NKAIN3: variants seen among roughly 807,000 people sequenced by gnomAD.
The protein encoded by NKAIN3 is sodium/potassium transporting ATPase interacting 3, also known as sodium/potassium-transporting ATPase subunit beta-1-interacting protein 3.
Under a neutral mutation model 30.2 loss-of-function variants are expected in NKAIN3, and 25 were observed. The ratio of observed to expected loss-of-function variants is 0.83; its 90% CI spans 0.60 to 1.16. The LOEUF is 1.16. Ranked by LOEUF, NKAIN3 falls within the 50% of genes most tolerant of loss-of-function variation. The pLI is 0.00. For synonymous variants in NKAIN3, 91 were observed against 89.6 expected, an observed-to-expected ratio of 1.02 and a Z score of -0.09; for missense variants, 225 against 254.1, an observed-to-expected ratio of 0.89 and a Z score of 0.78.
chr8:62,793,291 T>G (rs779946276), intron 4 of NKAIN3, among the ~76,000 whole-genome samples: 2 of 152,076 alleles, frequency 1.3e-5, no homozygotes, highest in African/African-American at 4.8e-5. Flanking sequence ...GCTTGCTGGT[T>G]TTTTTGTAAA....
intron 1 of NKAIN3, among the ~76,000 whole-genome samples, chr8:62,417,281 T>A (rs1218267935): frequency 6.6e-6 from 1 of 152,184 alleles, no homozygotes; most frequent in African/African-American, 2.4e-5. Context: ...TTTCCATCCA[T>A]GTTGTTGCAG....
intron 3 of NKAIN3, among the ~76,000 whole-genome samples, chr8:62,740,458 A>G (rs1032574252): frequency 2.6e-5 from 4 of 152,156 alleles, no homozygotes; most frequent in Admixed American, 6.5e-5. Context: ...AACTAAGGAG[A>G]AAGGCAAAAA....
At chr8:62,806,404 C>T (rs951388513) in intron 4 of NKAIN3, among the ~76,000 whole-genome samples, 16 of 152,122 alleles carry the variant, frequency 1.1e-4, no homozygotes, top group Non-Finnish European at 1.8e-4. Context: ...TGAACCAACC[C>T]AAATGTGCAA....
chr8:62,950,089 G>A (rs1041793232), intron 5 of NKAIN3, among the ~76,000 whole-genome samples: 1 of 152,084 alleles, frequency 6.6e-6, no homozygotes, highest in Admixed American at 6.6e-5. Context: ...TTTCTTATCA[G>A]TGTAATATGA....
At chr8:62,459,057 G>GAGA (rs1554533944) in intron 1 of NKAIN3, among the ~76,000 whole-genome samples, 9 of 23,948 alleles carry the variant, frequency 3.8e-4, no homozygotes, top group Non-Finnish European at 1.0e-3. Context: ...TGTGTTGTCA[G>GAGA]AGAAAAAAAA....
At chr8:62,271,273 C>G (rs1472067456) in intron 1 of NKAIN3, among the ~76,000 whole-genome samples, 1 of 152,082 alleles carries the variant, frequency 6.6e-6, no homozygotes, top group African/African-American at 2.4e-5. Flanking sequence ...TTTTTTATTC[C>G]AATAAATTCT....
intron 1 of NKAIN3, among the ~76,000 whole-genome samples, chr8:62,436,999 A>G (rs563497120): frequency 1.2e-4 from 19 of 152,346 alleles, no homozygotes; most frequent in African/African-American, 3.1e-4. Flanking sequence ...AAGATTGTTT[A>G]GATTCTTCAG....
chr8:62,632,375 C>A (rs893276257), intron 3 of NKAIN3, among the ~76,000 whole-genome samples: 1 of 152,052 alleles, frequency 6.6e-6, no homozygotes, highest in Admixed American at 6.6e-5. Context: ...ATCAAGATAC[C>A]TTTTACATAT....
chr8:62,963,082 G>A lies in NKAIN3; in HGVS notation c.604-2272G>A, dbSNP rs543776339. Among the ~76,000 whole-genome samples the A allele has an allele frequency of 8.2e-4, 125 of 152,102 alleles. 1 individual carries two copies. Among genetic ancestry groups the A allele is most frequent in the African/African-American group, 3.0e-3 (123 of 41,490 alleles). ...AATTTTTGGTATTTTTAGTAGAGAC[G>A]GGGTTTCACCATTTTGGTCAGGCTG... On this transcript the variant is annotated intron_variant, in intron 6 of 6. Coordinates refer to ENST00000623646, the MANE Select transcript of NKAIN3 (RefSeq NM_001304533.3).
At chr8:62,323,390 A>G (rs1042849708) in intron 1 of NKAIN3, among the ~76,000 whole-genome samples, 1 of 152,218 alleles carries the variant, frequency 6.6e-6, no homozygotes, top group Non-Finnish European at 1.5e-5. Flanking sequence ...AAAAATATTG[A>G]GGCACGGGAA....
chr8:62,911,884 T>TA (rs1821934496), intron 4 of NKAIN3, among the ~76,000 whole-genome samples: 1 of 152,180 alleles, frequency 6.6e-6, no homozygotes, highest in African/African-American at 2.4e-5. Context: ...ATTTTTTATC[T>TA]AAAAACCTAA....
chr8:62,436,418 T>G (rs1016347837), intron 1 of NKAIN3, among the ~76,000 whole-genome samples: 4 of 152,194 alleles, frequency 2.6e-5, no homozygotes, highest in Non-Finnish European at 1.5e-5. Context: ...CTTTTATTTA[T>G]TTAATAGTGC....
chr8:62,259,063 GC>G (rs1812350112), intron 1 of NKAIN3, among the ~76,000 whole-genome samples: 1 of 152,164 alleles, frequency 6.6e-6, no homozygotes, highest in Non-Finnish European at 1.5e-5. Flanking sequence ...GAGTATTGGT[GC>G]CTTTTGGCTT....
intron 4 of NKAIN3, among the ~76,000 whole-genome samples, chr8:62,807,015 T>C (rs1818314888): frequency 6.6e-6 from 1 of 152,032 alleles, no homozygotes; most frequent in East Asian, 1.9e-4. Context: ...AACTAGAATA[T>C]TTCCTAAAAC....
chr8:62,304,639 A>G (rs1212874354), intron 1 of NKAIN3, among the ~76,000 whole-genome samples: 1 of 150,488 alleles, frequency 6.6e-6, no homozygotes, highest in African/African-American at 2.5e-5. Context: ...GGTATGAAGT[A>G]CTAGTCTCAA....
chr8:62,758,369 G>C (rs1425502052), intron 4 of NKAIN3, among the ~76,000 whole-genome samples: 1 of 152,028 alleles, frequency 6.6e-6, no homozygotes, highest in Admixed American at 6.6e-5. Flanking sequence ...TTAATTTCCT[G>C]GTTTTTATAA....
intron 1 of NKAIN3, among the ~76,000 whole-genome samples, chr8:62,476,574 A>T (rs2129600413): frequency 6.6e-6 from 1 of 152,046 alleles, no homozygotes; most frequent in Non-Finnish European, 1.5e-5. Flanking sequence ...CTCTTGCCTC[A>T]GCCTCCTGAG....
intron 5 of NKAIN3, among the ~76,000 whole-genome samples, chr8:62,953,460 C>CA (rs1278361132): frequency 6.6e-6 from 1 of 152,020 alleles, no homozygotes; most frequent in Non-Finnish European, 1.5e-5. Context: ...GGCTTGGGGA[C>CA]AGAAGGCATT....
At chr8:62,924,974 G>C (rs888688095) in intron 5 of NKAIN3, among the ~76,000 whole-genome samples, 1 of 152,028 alleles carries the variant, frequency 6.6e-6, no homozygotes, top group Admixed American at 6.6e-5. Context: ...ACACCATCAC[G>C]CTGGGGATTA....
Sources: allele counts gnomAD v4.1 joint callset (sites outside exome capture counted in the v4.1 genomes callset), GRCh38; gene constraint gnomAD v4.1.1; transcripts MANE v1.5; gene names NCBI Gene and HGNC (gene_info 2026-07-23, HGNC 2026-07-21).